The following ZNF805 variants were observed in gnomAD, a reference collection of about 807,000 sequenced individuals.
The protein encoded by ZNF805 is zinc finger protein 805, also known as CTC-444N24.8.
In ZNF805, 7 loss-of-function variants were observed where a neutral mutation model predicts 13.6. The ratio of observed to expected loss-of-function variants is 0.51; its 90% CI spans 0.29 to 0.97. ZNF805 has a LOEUF of 0.97. Ranked by LOEUF, ZNF805 falls within the 50% of genes least tolerant of loss-of-function variation. The pLI, the probability that ZNF805 is intolerant of heterozygous loss-of-function variation, is 0.08. For missense variants in ZNF805, 604 were observed against 771.0 expected (o/e 0.78, Z 2.57); for synonymous variants, 293 against 279.8 (o/e 1.05, Z -0.47).
At position 57,257,527 on chromosome 19, in the gene ZNF805, C is replaced by T. The variant is rs1047091144; in HGVS notation, c.*2824C>T. On this transcript the variant is annotated 3_prime_UTR_variant, in exon 4 of 4. Transcript: ENST00000414468. ...ATGTCCCTTTTTGTTCCTGTTAATACTCTTATCAATTTTTATCTGATATTT... is the reference window on the plus strand; with the variant it reads ...ATGTCCCTTTTTGTTCCTGTTAATATTCTTATCAATTTTTATCTGATATTT... Among the ~76,000 whole-genome samples, 3 of 137,104 alleles carry T rather than the reference C, an allele frequency of 2.2e-5. No individual in the cohort carries two copies. Among genetic ancestry groups the T allele is most frequent in the Admixed American group, 7.4e-5 (1 of 13,500 alleles). 89.9% of individuals were successfully genotyped at this position (137,104 alleles called of 152,430 possible). A position where few individuals can be genotyped will look rare whatever the true frequency, so the allele number is the denominator to read the frequency against.
At chr19:57,242,207 G>T (rs1384580870) in intron 1 of ZNF805, among the ~76,000 whole-genome samples, 1 of 152,196 alleles carries the variant, frequency 6.6e-6, no homozygotes, top group Non-Finnish European at 1.5e-5. Context: ...CATATTTAGC[G>T]TGTGGACCAC....
At chr19:57,241,284 G>C (rs1459701851) in intron 1 of ZNF805, among the ~76,000 whole-genome samples, 2 of 151,982 alleles carry the variant, frequency 1.3e-5, no homozygotes, top group African/African-American at 4.8e-5. Context: ...GAGGCTAAAC[G>C]GTAACTCCTG....
In ZNF805 at chr19:57,254,626, C is replaced by T. The variant is rs745750016; in HGVS notation, c.1807C>T (p.Leu603Phe). ...NFLNVTTEEN[L>F]LQEEASYMAS... Reference sequence around the variant, plus strand: ...TTTGAATGTCACCACTGAGGAAAATCTTTTGCAAGAGGAAGCATCTTACAT... The same window carrying T: ...TTTGAATGTCACCACTGAGGAAAATTTTTTGCAAGAGGAAGCATCTTACAT... Residue 603 changes from leucine to phenylalanine, a missense_variant, in exon 4 of 4, where the codon CTT (leucine) becomes TTT (phenylalanine). Around this residue, in one of 3 missense-constraint regions of ZNF805, gnomAD observed 49 missense variants for 40.0 expected, o/e 1.23. Coordinates refer to ENST00000414468, the MANE Select transcript of ZNF805 (RefSeq NM_001023563.4). 6.2e-7 allele frequency: 1 copy of T among 1,613,934 alleles called. No individual in the cohort carries two copies.
At position 57,253,548 on chromosome 19, in the gene ZNF805, T is replaced by C; in HGVS notation, c.729T>C (p.Ser243=). ...AGTGTGGAAAAACCTTTAGCAAGAG[T>C]ACATACCTCCTGCAGCACCACATGG... The part of the protein sequence containing the change: ...CTECGKTFSK[S]TYLLQHHMVH... Residue 243 remains serine, a synonymous_variant, in exon 4 of 4, where the codon AGT becomes AGC. Coordinates refer to ENST00000414468, the MANE Select transcript of ZNF805 (RefSeq NM_001023563.4). This position sits in a 1 kb window ranked among gnomAD's most constrained non-coding sequence, Gnocchi z 4.4. The C allele has an allele frequency of 3.1e-6, 5 of 1,613,296 alleles. No individual in the cohort carries two copies. The highest frequency in any genetic ancestry group is 4.2e-6 in the Non-Finnish European group (5 of 1,179,656).
chr19:57,241,630 A>C (rs2087580526), intron 1 of ZNF805, among the ~76,000 whole-genome samples: 1 of 106,090 alleles, frequency 9.4e-6, no homozygotes, highest in Non-Finnish European at 2.2e-5. Flanking sequence ...TCCCTGGCTC[A>C]GCGCTTCAGA....
At chr19:57,245,585 CT>C (rs1171239143) in intron 2 of ZNF805, among the ~76,000 whole-genome samples, 1 of 149,228 alleles carries the variant, frequency 6.7e-6, no homozygotes, top group Non-Finnish European at 1.5e-5. Context: ...AGAGACCATC[CT>C]GGCTAACACG....
At chr19:57,252,517 C>G (rs551851769) in intron 3 of ZNF805, among the ~76,000 whole-genome samples, 4 of 152,304 alleles carry the variant, frequency 2.6e-5, no homozygotes, top group African/African-American at 9.6e-5. Context: ...ACCCACCCAG[C>G]ATTGAGTGTA....
chr19:57,253,437 T>G lies in ZNF805; in HGVS notation c.618T>G (p.Asn206Lys). 1 of 1,569,712 alleles carries G rather than the reference T, an allele frequency of 6.4e-7. No homozygotes were observed. Among genetic ancestry groups the G allele is most frequent in the South Asian group, 1.2e-5 (1 of 86,180 alleles). Residue 206 changes from asparagine (N) to lysine (K), a missense_variant, in exon 4 of 4, where the codon AAT (asparagine) becomes AAG (lysine). Coordinates refer to ENST00000414468, the MANE Select transcript of ZNF805 (RefSeq NM_001023563.4). The surrounding 1 kb of genome is among the most constrained non-coding windows in gnomAD (Gnocchi z 4.4). ...AAGAGGAAAATATCTTTAAATGCAATGAATGTGAAAAAGTGTTTAACAAGA... is the reference window on the plus strand; with the variant it reads ...AAGAGGAAAATATCTTTAAATGCAAGGAATGTGAAAAAGTGTTTAACAAGA... The part of the protein sequence containing the change: ...IQEEENIFKC[N>K]ECEKVFNKKR...
chr19:57,241,052 T>G, intron 1 of ZNF805, 131 bp downstream of exon 1: 1 of 1,030,684 alleles, frequency 9.7e-7, no homozygotes, highest in Non-Finnish European at 1.4e-6. Flanking sequence ...TGGAGCAGGC[T>G]CGTCACTTAG....
intron 2 of ZNF805, among the ~76,000 whole-genome samples, chr19:57,247,362 C>T (rs915524608): frequency 1.3e-5 from 2 of 152,212 alleles, no homozygotes; most frequent in African/African-American, 4.8e-5. Context: ...GCCACCCACT[C>T]TGGTGCTCGT....
Position 57,240,744 on chromosome 19 carries a change from G to T in ZNF805, c.-148G>T. The T allele has an allele frequency of 2.8e-6, 2 of 705,078 alleles. No individual in the cohort carries two copies. The highest frequency in any genetic ancestry group is 3.2e-5 in the East Asian group (1 of 31,172). The allele number at this position is 705,078 out of a possible 1,614,324, so 43.7% of individuals were successfully genotyped here. A position where few individuals can be genotyped will look rare whatever the true frequency, so the allele number is the denominator to read the frequency against. On this transcript the variant is annotated 5_prime_UTR_variant, in exon 1 of 4. Coordinates refer to ENST00000414468, the MANE Select transcript of ZNF805 (RefSeq NM_001023563.4). ...GACAGCGACCTCCGCGTCTCGGAGC[G>T]AACCGTGAGCCTCCCCGTAACGAGA...
In ZNF805 at chr19:57,259,929, A is replaced by G. The variant is rs2087713780; in HGVS notation, c.*5226A>G. On this transcript the variant is annotated 3_prime_UTR_variant, in exon 4 of 4. Transcript: ENST00000414468. ...TCTGGTGGTTTGTCTCAATATTTGA[A>G]TAGAAATCCTAAATTATCTGGAGGA... Among the ~76,000 whole-genome samples the G allele has an allele frequency of 6.6e-6, 1 of 152,242 alleles. No individual in the cohort carries two copies. The highest frequency in any genetic ancestry group is 2.4e-5 in the African/African-American group (1 of 41,476).
Position 57,257,822 on chromosome 19 carries a change from T to G in ZNF805, c.*3119T>G, listed in dbSNP as rs917078176. Among the ~76,000 whole-genome samples the G allele has an allele frequency of 6.8e-6, 1 of 146,732 alleles. No individual in the cohort carries two copies. The highest frequency in any genetic ancestry group is 1.5e-5 in the Non-Finnish European group (1 of 67,140). On this transcript the variant is annotated 3_prime_UTR_variant, in exon 4 of 4. Transcript: ENST00000414468. ...CCTGGGTTCAAGTGATTCTCCTGCC[T>G]CAGGCTCTTGAGTAGCTGGGATTAC...
intron 3 of ZNF805, among the ~76,000 whole-genome samples, chr19:57,249,561 C>T (rs1267084818): frequency 1.6e-4 from 25 of 152,180 alleles, no homozygotes; most frequent in Admixed American, 1.6e-3. Context: ...GTCATATAAA[C>T]ATTGATGAGT....
chr19:57,254,803 A>G lies in ZNF805; in HGVS notation c.*100A>G. The G allele has an allele frequency of 7.9e-7, 1 of 1,269,556 alleles. No individual in the cohort carries two copies. Among genetic ancestry groups the G allele is most frequent in the Non-Finnish European group, 1.1e-6 (1 of 926,712 alleles). The allele number at this position is 1,269,556 out of a possible 1,614,324, so 78.6% of individuals were successfully genotyped here. ...TTCTCCATCCGAATTCATCCTGGAAAAACACCCAGTGGTTATTACGCACTT... is the reference window on the plus strand; with the variant it reads ...TTCTCCATCCGAATTCATCCTGGAAGAACACCCAGTGGTTATTACGCACTT... On this transcript the variant is annotated 3_prime_UTR_variant, in exon 4 of 4. Coordinates refer to ENST00000414468, the MANE Select transcript of ZNF805 (RefSeq NM_001023563.4).
intron 2 of ZNF805, 150 bp downstream of exon 2, chr19:57,244,199 CTTT>C (rs1200854107): frequency 0.019 from 5,612 of 288,216 alleles, no homozygotes; most frequent in East Asian, 0.032. Context: ...TCACCTCTTC[CTTT>C]TTTTTTTTTT....
chr19:57,243,915 C>T lies in ZNF805; in HGVS notation c.31-8C>T. On this transcript the variant is annotated splice_polypyrimidine_tract_variant and splice_region_variant and intron_variant, in intron 1 of 3. Coordinates refer to ENST00000414468, the MANE Select transcript of ZNF805 (RefSeq NM_001023563.4). Reference sequence around the variant, plus strand: ...AGCAAACTCTACTACCTCTATTTGACATTTCAGGTGTCTGTGACCTTTGAT... The same window carrying T: ...AGCAAACTCTACTACCTCTATTTGATATTTCAGGTGTCTGTGACCTTTGAT... The T allele has an allele frequency of 1.2e-6, 2 of 1,614,194 alleles. No individual in the cohort carries two copies. Among genetic ancestry groups the T allele is most frequent in the South Asian group, 1.1e-5 (1 of 91,088 alleles).
intron 2 of ZNF805, among the ~76,000 whole-genome samples, chr19:57,246,004 AGTT>A (rs1196387158): frequency 2.0e-5 from 3 of 152,176 alleles, no homozygotes; most frequent in African/African-American, 7.2e-5. Context: ...CACTTGAGGA[AGTT>A]GTTCTTTTAT....
rs550001355 is a variant in ZNF805, at chr19:57,257,793, G to A, written c.*3090G>A. On this transcript the variant is annotated 3_prime_UTR_variant, in exon 4 of 4. Transcript: ENST00000414468. Reference sequence around the variant, plus strand: ...GCGATCTCCGCTCACTGCAACCTCCGCCTCCTGGGTTCAAGTGATTCTCCT... The same window carrying A: ...GCGATCTCCGCTCACTGCAACCTCCACCTCCTGGGTTCAAGTGATTCTCCT... Among the ~76,000 whole-genome samples, 2 of 133,906 alleles carry A rather than the reference G, an allele frequency of 1.5e-5. No individual in the cohort carries two copies. Among genetic ancestry groups the A allele is most frequent in the East Asian group, 4.8e-4 (2 of 4,126 alleles). 87.8% of individuals were successfully genotyped at this position (133,906 alleles called of 152,430 possible).
Sources: allele counts gnomAD v4.1 joint callset (sites outside exome capture counted in the v4.1 genomes callset), GRCh38; gene constraint gnomAD v4.1.1; regional missense constraint gnomAD v4.1.1; non-coding constraint Gnocchi (gnomAD v3.1); transcripts MANE v1.5; gene names NCBI Gene and HGNC (gene_info 2026-07-23, HGNC 2026-07-21).